FAM135B: variants seen among roughly 807,000 people sequenced by gnomAD.
FAM135B encodes protein FAM135B.
In FAM135B, 43 loss-of-function variants were observed where a neutral mutation model predicts 127.7. The ratio of observed to expected loss-of-function variants is 0.34; its 90% CI spans 0.26 to 0.43. FAM135B has a LOEUF of 0.43. Ranked by LOEUF, FAM135B falls within the 20% of genes least tolerant of loss-of-function variation. The probability of loss-of-function intolerance (pLI) is 1.00; values close to 1 mark genes in which losing one functional copy is unlikely to be tolerated. For synonymous variants in FAM135B, 670 were observed against 665.1 expected (o/e 1.01, Z -0.11); for missense variants, 1,558 against 1,725.6 (o/e 0.90, Z 1.72).
rs375326447 is a variant in FAM135B at position 138,404,470 on chromosome 8, G to A, written c.-19-36468C>T. Among the ~76,000 whole-genome samples the A allele has an allele frequency of 2.2e-4, 34 of 152,236 alleles. No homozygotes were observed. In the East Asian group the frequency reaches 3.1e-3, roughly 14 times the overall value. On this transcript the variant is annotated intron_variant, in intron 1 of 19. Coordinates refer to ENST00000395297, the MANE Select transcript of FAM135B (RefSeq NM_015912.4). ...ATTCTTAAAATAAGACAACAATGAA[G>A]TTTGCCATGTCATTGGACCCTTCCT...
At chr8:138,157,290 C>A (rs1029108580) in intron 12 of FAM135B, among the ~76,000 whole-genome samples, 13 of 152,190 alleles carry the variant, frequency 8.5e-5, no homozygotes, top group Admixed American at 2.6e-4. Context: ...ATTGATGGGA[C>A]ATATCTCAAA....
At chr8:138,161,231 CATTGTG>C (rs57909183) in intron 12 of FAM135B, among the ~76,000 whole-genome samples, 98,829 of 151,228 alleles carry the variant, frequency 0.65, 32,285 homozygotes, top group East Asian at 0.73. Flanking sequence ...CTCCCAGAAC[CATTGTG>C]ATCTTCATAA....
chr8:138,433,243 G>A (rs535510201), intron 1 of FAM135B, among the ~76,000 whole-genome samples: 8 of 151,982 alleles, frequency 5.3e-5, no homozygotes, highest in East Asian at 1.9e-4. Context: ...TATTAAGGCC[G>A]GGCACGGTGG....
rs1266943456 is a variant in FAM135B, at chr8:138,151,706, G to C, written c.2769C>G (p.Ile923Met). The stretch of plus-strand genomic sequence containing the variant: ...GTTGAGAGAGACCCTCAACCTCTGA[G>C]ATGCCACTGTTGGAAAGAGCTTGCT... ...VGQQALSNSG[I>M]SEVEGLSQHQ... The change falls in exon 13 of 20, where the codon ATC becomes ATG. Residue 923 changes from isoleucine (I) to methionine (M), a missense_variant. Ile to Met is a conservative substitution (Grantham distance 10). This residue lies in a region of FAM135B where 923 missense variants were observed against 865.3 expected (regional missense o/e 1.07). Transcript: ENST00000395297. The C allele has an allele frequency of 1.2e-6, 2 of 1,614,194 alleles. No homozygotes were observed. Among genetic ancestry groups the C allele is most frequent in the Non-Finnish European group, 1.7e-6 (2 of 1,180,038 alleles).
rs972341449 is a variant in FAM135B at position 138,222,019 on chromosome 8, A to G, written c.669+20923T>C. On this transcript the variant is annotated intron_variant, in intron 7 of 19. Transcript: ENST00000395297. ...AACTAATTCAGAAACGGCAGCAATG[A>G]TAGAGTTCTCAGCAAGGACAGGTGC... Among the ~76,000 whole-genome samples the G allele has an allele frequency of 2.0e-5, 3 of 152,210 alleles. No homozygotes were observed. In the East Asian group the frequency reaches 5.8e-4, roughly 29 times the overall value.
At chr8:138,227,713 T>C (rs1262743768) in intron 7 of FAM135B, among the ~76,000 whole-genome samples, 2 of 138,334 alleles carry the variant, frequency 1.4e-5, no homozygotes, top group Non-Finnish European at 3.1e-5. Context: ...ATTTTGTCTC[T>C]CTTTTTTTTT....
intron 1 of FAM135B, among the ~76,000 whole-genome samples, chr8:138,376,473 C>T (rs528955601): frequency 6.6e-5 from 10 of 152,278 alleles, no homozygotes; most frequent in Admixed American, 2.0e-4. Context: ...AGGCAGATCT[C>T]GAGCACCAAG....
At chr8:138,415,374 A>G (rs1834083617) in intron 1 of FAM135B, among the ~76,000 whole-genome samples, 3 of 152,142 alleles carry the variant, frequency 2.0e-5, no homozygotes, top group African/African-American at 7.2e-5. Flanking sequence ...ACAATGTTGA[A>G]CTGACTCTGA....
At chr8:138,272,773 G>A (rs1377910439) in intron 3 of FAM135B, among the ~76,000 whole-genome samples, 1 of 152,214 alleles carries the variant, frequency 6.6e-6, no homozygotes, top group Non-Finnish European at 1.5e-5. Flanking sequence ...GGTCATAACT[G>A]CTGAGTGGTC....
intron 1 of FAM135B, among the ~76,000 whole-genome samples, chr8:138,383,789 C>G (rs1157941967): frequency 6.6e-6 from 1 of 152,168 alleles, no homozygotes; most frequent in Non-Finnish European, 1.5e-5. Flanking sequence ...GTTTCTTCCT[C>G]CTCCCTGACC....
Position 138,256,721 on chromosome 8 carries a change from C to G in FAM135B, c.336G>C (p.Lys112Asn), listed in dbSNP as rs2130544934. 4 of 1,613,988 alleles carry G rather than the reference C, an allele frequency of 2.5e-6. No individual in the cohort carries two copies. Among genetic ancestry groups the G allele is most frequent in the Non-Finnish European group, 3.4e-6 (4 of 1,179,946 alleles). ...CACTGTCCGTAAAGTGCAGATCCAC[C>G]TTGAGTTGAAAATCTACTTCACTCA... Reference protein sequence around the residue: ...DALSEVDFQLKVDLHFTDSEQ... With the variant: ...DALSEVDFQLNVDLHFTDSEQ... The change falls in exon 5 of 20, where the codon AAG (lysine) becomes AAC (asparagine). Residue 112 changes from lysine (K) to asparagine (N), a missense_variant. This residue lies in a region of FAM135B where 199 missense variants were observed against 245.7 expected (regional missense o/e 0.81). Transcript: ENST00000395297.
At chr8:138,311,041 C>G in intron 2 of FAM135B, 121 bp from the exon 3 acceptor site, 1 of 693,788 alleles carries the variant, frequency 1.4e-6, no homozygotes, top group East Asian at 2.7e-5. Context: ...GCAGCATGCA[C>G]AATCATCTGG....
chr8:138,434,307 A>G (rs1401647836), intron 1 of FAM135B, among the ~76,000 whole-genome samples: 4 of 152,210 alleles, frequency 2.6e-5, no homozygotes, highest in Admixed American at 2.6e-4. Context: ...CTGAGCTTTC[A>G]TATTCTTTGG....
rs149896788 is a variant in FAM135B at position 138,260,616 on chromosome 8, A to G, written c.298-3857T>C. ...ACTTCCATTTATCATTCCTCTCTAC[A>G]TGATGCCTGCCAATGCTCAACCTGA... On this transcript the variant is annotated intron_variant, in intron 4 of 19. Coordinates refer to ENST00000395297, the MANE Select transcript of FAM135B (RefSeq NM_015912.4). Among the ~76,000 whole-genome samples the G allele has an allele frequency of 3.4e-3, 513 of 152,230 alleles. 1 individual carries two copies. Among genetic ancestry groups the G allele is most frequent in the Middle Eastern group, 6.8e-3 (2 of 294 alleles).
intron 1 of FAM135B, among the ~76,000 whole-genome samples, chr8:138,427,571 G>A (rs1317983623): frequency 6.6e-6 from 1 of 152,014 alleles, no homozygotes. Context: ...CAACTTGCCA[G>A]CATAATAAAT....
chr8:138,308,550 C>T (rs1826431643), intron 3 of FAM135B, among the ~76,000 whole-genome samples: 1 of 152,210 alleles, frequency 6.6e-6, no homozygotes, highest in African/African-American at 2.4e-5. Flanking sequence ...CTGTTCTAAA[C>T]AGTGTGCTAC....
intron 1 of FAM135B, among the ~76,000 whole-genome samples, chr8:138,429,077 G>A (rs2131497385): frequency 6.6e-6 from 1 of 152,178 alleles, no homozygotes; most frequent in South Asian, 2.1e-4. Context: ...TTCCAATTGT[G>A]GTAAATGCTA....
chr8:138,410,393 G>T (rs935010771), intron 1 of FAM135B, among the ~76,000 whole-genome samples: 1 of 152,112 alleles, frequency 6.6e-6, no homozygotes, highest in Non-Finnish European at 1.5e-5. Flanking sequence ...TCTCTTGCTT[G>T]GTCAGATGAA....
chr8:138,426,604 A>G (rs1252831478), intron 1 of FAM135B, among the ~76,000 whole-genome samples: 1 of 151,618 alleles, frequency 6.6e-6, no homozygotes, highest in Non-Finnish European at 1.5e-5. Flanking sequence ...ATAATCTAAT[A>G]CTATAATTTA....
Sources: gnomAD v4.1 joint callset for allele counts (sites outside exome capture counted in the v4.1 genomes callset) on GRCh38, gnomAD v4.1.1 for gene constraint, gnomAD v4.1.1 regional missense constraint, MANE v1.5 for transcripts, NCBI Gene and HGNC (gene_info 2026-07-23, HGNC 2026-07-21) for gene names.